ZNF468: variants seen among roughly 807,000 people sequenced by gnomAD.
ZNF468 encodes zinc finger protein 468, also known as zinc finger protein ZNF468.
In ZNF468, 8 loss-of-function variants were observed where a neutral mutation model predicts 7.2. The ratio of observed to expected loss-of-function variants is 1.11; its 90% CI spans 0.65 to 2.01. The LOEUF (loss-of-function observed/expected upper bound fraction) is 2.01, where lower values mean the gene tolerates loss of function less well. Ranked by LOEUF, ZNF468 falls within the 30% of genes most tolerant of loss-of-function variation. The pLI, the probability that ZNF468 is intolerant of heterozygous loss-of-function variation, is 0.00. For missense variants in ZNF468, 608 were observed against 626.5 expected, an observed-to-expected ratio of 0.97 and a Z score of 0.31; for synonymous variants, 218 against 214.4, an observed-to-expected ratio of 1.02 and a Z score of -0.15.
Position 52,842,123 on chromosome 19 carries a change from C to A in ZNF468, c.171G>T (p.Thr57=). Residue 57 remains threonine, a synonymous_variant, in exon 4 of 4, where the codon ACG becomes ACT. Coordinates refer to ENST00000595646, the MANE Select transcript of ZNF468 (RefSeq NM_001008801.2). ...LDISSKCMLK[T]LSSTGQGNTE... ...TATTGCCTTGCCCTGTTGACGACAA[C>A]GTCTTCAACATGCATTTGGAAGAGA... The A allele has an allele frequency of 6.3e-7, 1 of 1,593,742 alleles. No homozygotes were observed.
At chr19:52,851,091 G>A (rs961076351) in intron 2 of ZNF468, among the ~76,000 whole-genome samples, 15 of 151,878 alleles carry the variant, frequency 9.9e-5, no homozygotes, top group African/African-American at 3.6e-4. Flanking sequence ...TGGCCAAAAT[G>A]GTGAAACACT....
chr19:52,841,265 T>G lies in ZNF468; in HGVS notation c.1029A>C (p.Ala343=), dbSNP rs749821970. 35 of 1,613,620 alleles carry G rather than the reference T, an allele frequency of 2.2e-5. 1 individual carries two copies. The East Asian group carries it at 7.1e-4, about 33-fold the overall frequency. ...DEAFAYNSYL[A]KHTILHTGEK... ...CTCCAGTGTGAAGTATAGTATGTTT[T>G]GCCAGATATGAATTATATGCGAAAG... Residue 343 remains alanine (A), a synonymous_variant, in exon 4 of 4, where the codon GCA becomes GCC. Transcript: ENST00000595646.
chr19:52,839,647 G>A lies in ZNF468; in HGVS notation c.*1078C>T. ...GATTTCTGTCCAGCATGGATTCTCT[G>A]ATGTCTAATGAGGTGTGAATGTGAA... On this transcript the variant is annotated 3_prime_UTR_variant, in exon 4 of 4. Coordinates refer to ENST00000595646, the MANE Select transcript of ZNF468 (RefSeq NM_001008801.2). 1 of 549,734 alleles carries A rather than the reference G, an allele frequency of 1.8e-6. No individual in the cohort carries two copies. Among genetic ancestry groups the A allele is most frequent in the Non-Finnish European group, 3.7e-6 (1 of 270,990 alleles). 34.1% of individuals were successfully genotyped at this position (549,734 alleles called of 1,614,324 possible).
At chr19:52,849,754 A>AT (rs2063370258) in intron 2 of ZNF468, 2 of 119,490 alleles carry the variant, frequency 1.7e-5, no homozygotes, top group Admixed American at 1.6e-4. Context: ...AAAAAAAAAA[A>AT]TTAGCCAGGT....
chr19:52,854,111 A>C (rs545105782), intron 2 of ZNF468, 147 bp downstream of exon 2: 7 of 1,569,252 alleles, frequency 4.5e-6, no homozygotes, highest in Middle Eastern at 3.5e-4. Flanking sequence ...ACGGAACCTA[A>C]GCGAGATGAG....
At chr19:52,842,536 T>G (rs2063313052) in intron 3 of ZNF468, among the ~76,000 whole-genome samples, 2 of 151,550 alleles carry the variant, frequency 1.3e-5, no homozygotes, top group African/African-American at 4.9e-5. Flanking sequence ...AAATAAATGC[T>G]AAAGAACCAC....
At chr19:52,847,093 G>C (rs1195012373) in intron 3 of ZNF468, among the ~76,000 whole-genome samples, 1 of 152,134 alleles carries the variant, frequency 6.6e-6, no homozygotes, top group African/African-American at 2.4e-5. Flanking sequence ...CTGTGTCTAT[G>C]TAGAAAAGGA....
intron 3 of ZNF468, among the ~76,000 whole-genome samples, chr19:52,847,477 T>G (rs1263440805): frequency 3.3e-5 from 5 of 149,854 alleles, no homozygotes; most frequent in Admixed American, 6.7e-5. Flanking sequence ...GTAAAGAGCC[T>G]GTGCTGAGGA....
In ZNF468 at chr19:52,853,201, C is replaced by T. The variant is rs751348693; in HGVS notation, c.15+1057G>A. Among the ~76,000 whole-genome samples, 8 of 151,956 alleles carry T rather than the reference C, an allele frequency of 5.3e-5. No individual in the cohort carries two copies. The South Asian group carries it at 6.2e-4, about 12-fold the overall frequency. On this transcript the variant is annotated intron_variant, in intron 2 of 3. Transcript: ENST00000595646. ...ATAACGATGCAGAAATACACGTGTA[C>T]GAGACTTGCTCTGACAGCTAACACA...
rs9749288 is a variant in ZNF468, at chr19:52,840,281, G to A, written c.*444C>T. On this transcript the variant is annotated 3_prime_UTR_variant, in exon 4 of 4. Coordinates refer to ENST00000595646, the MANE Select transcript of ZNF468 (RefSeq NM_001008801.2). The stretch of plus-strand genomic sequence containing the variant: ...GATTAAAAACCATGTCACATTCATT[G>A]TGCTTGTAAGGTTTCTCTCCACTAT... 0.2 allele frequency: 82,429 copies of A among 404,090 alleles called. 10,139 individuals carry two copies. Among genetic ancestry groups the A allele is most frequent in the South Asian group, 0.37 (17,158 of 46,910 alleles). 25.0% of individuals were successfully genotyped at this position (404,090 alleles called of 1,614,324 possible).
Position 52,849,055 on chromosome 19 carries a change from G to A in ZNF468, c.142+32C>T, listed in dbSNP as rs115049665. On this transcript the variant is annotated intron_variant, in intron 3 of 3. Coordinates refer to ENST00000595646, the MANE Select transcript of ZNF468 (RefSeq NM_001008801.2). The stretch of plus-strand genomic sequence containing the variant: ...TAAGAGAAAATGCAAAAATACACAA[G>A]GGCACATCCCCAGGAGGGAAGTTAT... The A allele has an allele frequency of 4.4e-3, 7,110 of 1,610,532 alleles. 278 individuals carry two copies. In the African/African-American group the frequency reaches 0.083, roughly 19 times the overall value.
intron 3 of ZNF468, among the ~76,000 whole-genome samples, chr19:52,842,463 A>G (rs1348591590): frequency 3.9e-5 from 6 of 152,142 alleles, no homozygotes; most frequent in South Asian, 2.1e-4. Context: ...TGCAAAATAC[A>G]TATCACTGTC....
Position 52,841,227 on chromosome 19 carries a change from G to A in ZNF468, c.1067C>T (p.Thr356Ile). Residue 356 changes from threonine (T) to isoleucine (I), a missense_variant, in exon 4 of 4, where the codon ACA (threonine) becomes ATA (isoleucine). By Grantham distance (89) the Thr-to-Ile change is moderately conservative (BLOSUM62 -1). Coordinates refer to ENST00000595646, the MANE Select transcript of ZNF468 (RefSeq NM_001008801.2). ...TILHTGEKPY[T>I]CNECGKVFNR... ...AAAAACTTTGCCACATTCATTACAT[G>A]TGTAAGGTTTCTCTCCAGTGTGAAG... 1 of 1,612,472 alleles carries A rather than the reference G, an allele frequency of 6.2e-7. No individual in the cohort carries two copies. The highest frequency in any genetic ancestry group is 8.5e-7 in the Non-Finnish European group (1 of 1,179,662).
chr19:52,842,400 G>A (rs2063311997), intron 3 of ZNF468, among the ~76,000 whole-genome samples: 2 of 152,096 alleles, frequency 1.3e-5, no homozygotes, highest in Non-Finnish European at 2.9e-5. Context: ...AAACACGTGT[G>A]AGTCTAAAGA....
chr19:52,846,291 C>T (rs535626799), intron 3 of ZNF468, among the ~76,000 whole-genome samples: 1 of 152,128 alleles, frequency 6.6e-6, no homozygotes, highest in Non-Finnish European at 1.5e-5. Context: ...CCTCTGCCTC[C>T]CGGATTCAAG....
In ZNF468 at chr19:52,849,225, A is replaced by G; in HGVS notation, c.16-12T>C. 1.2e-6 allele frequency: 2 copies of G among 1,613,488 alleles called. No homozygotes were observed. The highest frequency in any genetic ancestry group is 1.7e-6 in the Non-Finnish European group (2 of 1,179,638). On this transcript the variant is annotated splice_polypyrimidine_tract_variant and intron_variant, in intron 2 of 3. Coordinates refer to ENST00000595646, the MANE Select transcript of ZNF468 (RefSeq NM_001008801.2). ...AATGTCAATAGACCCTGAAATGAAA[A>G]CACATTTTAACCAAATGGTTATGGG...
intron 2 of ZNF468, chr19:52,849,458 A>G: frequency 1.2e-6 from 1 of 832,978 alleles, no homozygotes; most frequent in Non-Finnish European, 1.7e-6. Context: ...AAATAAACAA[A>G]TAAAAAATCA....
rs2063298848 is a variant in ZNF468 at position 52,841,438 on chromosome 19, G to A, written c.856C>T (p.Leu286Phe). The change falls in exon 4 of 4, where the codon CTC becomes TTC. Residue 286 changes from leucine to phenylalanine, a missense_variant. Transcript: ENST00000595646. ...GTATGAAGCGCTTTGTGAATGAAGA[G>A]GGATGAATTATGACCAAAGGTCTTG... is the stretch of plus-strand genomic sequence containing the variant. The part of the protein sequence containing the change: ...CGKTFGHNSS[L>F]FIHKALHTGE... The A allele has an allele frequency of 6.2e-7, 1 of 1,613,870 alleles. No homozygotes were observed. Among genetic ancestry groups the A allele is most frequent in the African/African-American group, 1.3e-5 (1 of 74,878 alleles).
At position 52,839,430 on chromosome 19, in the gene ZNF468, G is replaced by T. The variant is rs2063276023; in HGVS notation, c.*1295C>A. On this transcript the variant is annotated 3_prime_UTR_variant, in exon 4 of 4. Transcript: ENST00000595646. ...TCCTCTTAACATAAACAGTTTAATGGCAATTAATGCTTGAAATCAATGTTA... is the reference window on the plus strand; with the variant it reads ...TCCTCTTAACATAAACAGTTTAATGTCAATTAATGCTTGAAATCAATGTTA... The T allele has an allele frequency of 2.6e-6, 1 of 386,950 alleles. No homozygotes were observed. The highest frequency in any genetic ancestry group is 5.2e-6 in the Non-Finnish European group (1 of 193,586). The allele number at this position is 386,950 out of a possible 1,614,324, so 24.0% of individuals were successfully genotyped here.
Sources: allele counts gnomAD v4.1 joint callset (sites outside exome capture counted in the v4.1 genomes callset), GRCh38; gene constraint gnomAD v4.1.1; transcripts MANE v1.5; gene names NCBI Gene and HGNC (gene_info 2026-07-23, HGNC 2026-07-21).